GULP1: variants seen among roughly 807,000 people sequenced by gnomAD.
The protein encoded by GULP1 is PTB domain-containing engulfment adapter protein 1.
In GULP1, 19 loss-of-function variants were observed where a neutral mutation model predicts 40.9. That is an observed-to-expected ratio of 0.46 (90% CI 0.32 to 0.68). The LOEUF is 0.68. Among genes scored for constraint, GULP1 ranks in the 30% least tolerant of loss-of-function variants. GULP1 has a pLI of 0.03. For missense variants in GULP1, 312 were observed against 362.2 expected, an observed-to-expected ratio of 0.86 and a Z score of 1.12; for synonymous variants, 119 against 117.6, an observed-to-expected ratio of 1.01 and a Z score of -0.08.
intron 2 of GULP1, among the ~76,000 whole-genome samples, chr2:188,444,012 T>C (rs564449652): frequency 6.6e-6 from 1 of 152,286 alleles, no homozygotes; most frequent in African/African-American, 2.4e-5. Context: ...CACTGTGGCA[T>C]CCTATTTTCT....
rs910914722 is a variant in GULP1 at position 188,594,087 on chromosome 2, T to C, written c.*76T>C. 1 of 810,338 alleles carries C rather than the reference T, an allele frequency of 1.2e-6. No individual in the cohort carries two copies. The highest frequency in any genetic ancestry group is 1.7e-5 in the African/African-American group (1 of 58,726). 50.2% of individuals were successfully genotyped at this position (810,338 alleles called of 1,614,324 possible). On this transcript the variant is annotated 3_prime_UTR_variant, in exon 12 of 12. Transcript: ENST00000409830. ...GTCATTTATTATTATTACTTTAAGA[T>C]AGGTATTATTCATGTGTCAATGTTT...
At chr2:188,464,586 C>T (rs1245051492) in intron 2 of GULP1, among the ~76,000 whole-genome samples, 4 of 152,188 alleles carry the variant, frequency 2.6e-5, no homozygotes, top group Non-Finnish European at 4.4e-5. Flanking sequence ...GTGTTCTTTC[C>T]TTTAGGGCAG....
At chr2:188,395,482 C>T (rs374261377) in intron 2 of GULP1, among the ~76,000 whole-genome samples, 5 of 152,172 alleles carry the variant, frequency 3.3e-5, no homozygotes, top group Admixed American at 2.6e-4. Context: ...AACAAGTCCT[C>T]TTCTCCAAGA....
At chr2:188,409,557 A>T (rs538332069) in intron 2 of GULP1, among the ~76,000 whole-genome samples, 1 of 151,550 alleles carries the variant, frequency 6.6e-6, no homozygotes, top group South Asian at 2.1e-4. Context: ...ATTCTTTTCA[A>T]TTTTTTTTTC....
At chr2:188,587,707 T>A (rs1351485789) in intron 10 of GULP1, 148 bp from the exon 11 acceptor site, 1 of 554,020 alleles carries the variant, frequency 1.8e-6, no homozygotes, top group Non-Finnish European at 3.3e-6. Context: ...TGGTCTAAGG[T>A]CAGGAAAGCC....
intron 4 of GULP1, among the ~76,000 whole-genome samples, chr2:188,497,543 T>C (rs1226909041): frequency 6.6e-6 from 1 of 152,010 alleles, no homozygotes; most frequent in Non-Finnish European, 1.5e-5. Context: ...TATGTTTGCT[T>C]TTTTTAAGGG....
intron 2 of GULP1, among the ~76,000 whole-genome samples, chr2:188,407,300 A>G (rs1481267692): frequency 6.6e-6 from 1 of 152,222 alleles, no homozygotes; most frequent in African/African-American, 2.4e-5. Flanking sequence ...TACTACCATG[A>G]AAACAGGAAA....
intron 2 of GULP1, among the ~76,000 whole-genome samples, chr2:188,421,153 C>T (rs994891413): frequency 2.0e-5 from 3 of 152,072 alleles, no homozygotes; most frequent in Non-Finnish European, 4.4e-5. Flanking sequence ...ATGTAGAAAA[C>T]TTAAACACTC....
intron 4 of GULP1, among the ~76,000 whole-genome samples, chr2:188,509,419 C>T (rs925008760): frequency 2.6e-5 from 4 of 151,966 alleles, no homozygotes; most frequent in Non-Finnish European, 4.4e-5. Context: ...AGAAATAGAC[C>T]GTATTAATCA....
At chr2:188,296,960 G>C (rs182769355) in intron 1 of GULP1, among the ~76,000 whole-genome samples, 2 of 150,830 alleles carry the variant, frequency 1.3e-5, no homozygotes, top group African/African-American at 4.9e-5. Flanking sequence ...CTCTCTCTCT[G>C]TCTCCATTTC....
intron 6 of GULP1, among the ~76,000 whole-genome samples, chr2:188,536,802 C>T (rs1003512263): frequency 6.6e-6 from 1 of 152,224 alleles, no homozygotes; most frequent in Admixed American, 6.5e-5. Flanking sequence ...ATTAATTCTT[C>T]CAATTCATGA....
intron 2 of GULP1, among the ~76,000 whole-genome samples, chr2:188,438,331 C>T (rs976941821): frequency 6.6e-5 from 10 of 151,450 alleles, no homozygotes; most frequent in African/African-American, 2.2e-4. Context: ...GAAGTCACAT[C>T]AAGAGTGTGA....
chr2:188,395,705 G>T (rs2051152486), intron 2 of GULP1, among the ~76,000 whole-genome samples: 1 of 152,150 alleles, frequency 6.6e-6, no homozygotes, highest in Non-Finnish European at 1.5e-5. Context: ...TATCTCTAAA[G>T]ACAAGACTAT....
intron 2 of GULP1, among the ~76,000 whole-genome samples, chr2:188,414,270 G>T (rs2054296196): frequency 6.7e-6 from 1 of 150,244 alleles, no homozygotes; most frequent in African/African-American, 2.4e-5. Context: ...TGATTGATTT[G>T]TATATATTTC....
chr2:188,594,055 T>TACAA lies in GULP1; in HGVS notation c.*47_*48insAACA. ...CTGATTCATGTTAAATGTGTTTGTA[T>TACAA]ACACATGTCATTTATTATTATTACT... On this transcript the variant is annotated 3_prime_UTR_variant, in exon 12 of 12. Coordinates refer to ENST00000409830, the MANE Select transcript of GULP1 (RefSeq NM_016315.4). 1 of 947,498 alleles carries TACAA rather than the reference T, an allele frequency of 1.1e-6. No individual in the cohort carries two copies. The highest frequency in any genetic ancestry group is 1.7e-6 in the Non-Finnish European group (1 of 581,402). The allele number at this position is 947,498 out of a possible 1,614,324, so 58.7% of individuals were successfully genotyped here.
At chr2:188,561,014 C>T (rs1479908807) in intron 7 of GULP1, among the ~76,000 whole-genome samples, 2 of 152,194 alleles carry the variant, frequency 1.3e-5, no homozygotes, top group Non-Finnish European at 2.9e-5. Flanking sequence ...TTTATGGGGA[C>T]ACAGGTCCAA....
chr2:188,574,193 T>C (rs1699713850), intron 9 of GULP1, among the ~76,000 whole-genome samples: 1 of 152,096 alleles, frequency 6.6e-6, no homozygotes, highest in Admixed American at 6.6e-5. Context: ...AGGAATGGAA[T>C]TTTGGGAGTT....
chr2:188,557,094 T>C (rs1694965199), intron 7 of GULP1, among the ~76,000 whole-genome samples: 1 of 151,930 alleles, frequency 6.6e-6, no homozygotes, highest in African/African-American at 2.4e-5. Context: ...TCTCCAACAT[T>C]GGAGATTACA....
At chr2:188,530,216 C>T (rs1184079144) in intron 6 of GULP1, among the ~76,000 whole-genome samples, 1 of 152,076 alleles carries the variant, frequency 6.6e-6, no homozygotes, top group African/African-American at 2.4e-5. Context: ...GGTGAATGGC[C>T]TCATGCTTAT....
Sources: allele counts gnomAD v4.1 joint callset (sites outside exome capture counted in the v4.1 genomes callset), GRCh38; gene constraint gnomAD v4.1.1; transcripts MANE v1.5; gene names NCBI Gene and HGNC (gene_info 2026-07-23, HGNC 2026-07-21).